The following PRUNE2 variants were observed in gnomAD, a reference collection of about 807,000 sequenced individuals.
PRUNE2 encodes protein prune homolog 2.
PRUNE2 carries 164 observed loss-of-function variants against 252.0 expected under a neutral mutation model. That is an observed-to-expected ratio of 0.65 (90% CI 0.57 to 0.74). The LOEUF (loss-of-function observed/expected upper bound fraction) is 0.74, where lower values mean the gene tolerates loss of function less well. Among genes scored for constraint, PRUNE2 ranks in the 30% least tolerant of loss-of-function variants. PRUNE2 has a pLI of 0.00. For missense variants in PRUNE2, 3,495 were observed against 3,711.0 expected, an observed-to-expected ratio of 0.94 and a Z score of 1.51; for synonymous variants, 1,292 against 1,350.2, an observed-to-expected ratio of 0.96 and a Z score of 0.94.
intron 17 of PRUNE2, among the ~76,000 whole-genome samples, chr9:76,620,125 T>A (rs955840361): frequency 6.8e-6 from 1 of 147,886 alleles, no homozygotes; most frequent in Non-Finnish European, 1.5e-5. Flanking sequence ...CCTCAACTTT[T>A]ATACCCCTCC....
chr9:76,671,247 G>A (rs911921510), intron 9 of PRUNE2, among the ~76,000 whole-genome samples: 122 of 146,396 alleles, frequency 8.3e-4, no homozygotes, highest in Admixed American at 7.3e-3. Context: ...CGAGAACTAC[G>A]TGAAGAATGC....
intron 6 of PRUNE2, among the ~76,000 whole-genome samples, chr9:76,797,688 G>A (rs567331214): frequency 1.1e-4 from 11 of 102,934 alleles, no homozygotes; most frequent in South Asian, 3.8e-4. Context: ...CCTGCCCCCC[G>A]CAACCAAGTA....
At chr9:76,891,383 A>T (rs1188625787) in intron 1 of PRUNE2, among the ~76,000 whole-genome samples, 2 of 152,216 alleles carry the variant, frequency 1.3e-5, no homozygotes, top group East Asian at 3.8e-4. Context: ...CATTACAGGC[A>T]TGTCAGGTGA....
Position 76,846,664 on chromosome 9 carries a change from A to C in PRUNE2, c.359T>G (p.Leu120Ter). 1 of 1,613,884 alleles carries C rather than the reference A, an allele frequency of 6.2e-7. No individual in the cohort carries two copies. The highest frequency in any genetic ancestry group is 8.5e-7 in the Non-Finnish European group (1 of 1,179,780). ...SSVLASEDKT[L>*]ESAVVKVINP... Reference sequence around the variant, plus strand: ...AATGACTTTGACAACTGCTGATTCTAAAGTTTTGTCTTCACTGTAAAGCAA... The same window carrying C: ...AATGACTTTGACAACTGCTGATTCTCAAGTTTTGTCTTCACTGTAAAGCAA... Residue 120 changes from leucine to a stop codon, truncating the protein, a stop_gained, in exon 4 of 19, where the codon TTA (leucine) becomes TGA (stop). Transcript: ENST00000376718. LOFTEE classifies it high-confidence loss of function.
intron 1 of PRUNE2, among the ~76,000 whole-genome samples, chr9:76,861,823 C>A (rs1203450001): frequency 6.8e-6 from 1 of 147,680 alleles, no homozygotes; most frequent in African/African-American, 2.5e-5. Flanking sequence ...TCAGGATCCT[C>A]GCTCTGACGA....
At chr9:76,677,427 G>A (rs980468714) in intron 9 of PRUNE2, among the ~76,000 whole-genome samples, 3 of 152,142 alleles carry the variant, frequency 2.0e-5, no homozygotes, top group Non-Finnish European at 4.4e-5. Context: ...TTAAGGCATT[G>A]TTTTCCGTTC....
chr9:76,731,300 ATCTATC>A (rs1201065862), intron 6 of PRUNE2, among the ~76,000 whole-genome samples: 2,732 of 128,322 alleles, frequency 0.021, 85 homozygotes, highest in African/African-American at 0.058. Context: ...CTATCTATCT[ATCTATC>A]TATCTATATA....
intron 6 of PRUNE2, among the ~76,000 whole-genome samples, chr9:76,752,100 T>G (rs58916823): frequency 1.5e-4 from 3 of 20,026 alleles, no homozygotes; most frequent in Non-Finnish European, 2.4e-4. Flanking sequence ...TTTTTTGGTT[T>G]TTTTTTTTTT....
intron 6 of PRUNE2, among the ~76,000 whole-genome samples, chr9:76,766,774 G>A (rs2052443038): frequency 6.6e-6 from 1 of 151,918 alleles, no homozygotes; most frequent in African/African-American, 2.4e-5. Flanking sequence ...TTTTTCATGT[G>A]TAGCTTCTTA....
At chr9:76,879,878 C>CATATATATATATATATATATAT (rs1391636538) in intron 1 of PRUNE2, among the ~76,000 whole-genome samples, 4 of 75,370 alleles carry the variant, frequency 5.3e-5, no homozygotes, top group Admixed American at 4.0e-4. Context: ...AGAGGCCTGT[C>CATATATATATATATATATATAT]ATATATATAT....
intron 6 of PRUNE2, among the ~76,000 whole-genome samples, chr9:76,714,677 G>A (rs575874903): frequency 2.3e-4 from 35 of 152,340 alleles, no homozygotes; most frequent in African/African-American, 5.3e-4. Context: ...GCTTACAGGC[G>A]TAAGACCGCA....
rs764934768 is a variant in PRUNE2 at position 76,706,998 on chromosome 9, T to C, written c.5276A>G (p.Asn1759Ser). 1 of 1,614,044 alleles carries C rather than the reference T, an allele frequency of 6.2e-7. No homozygotes were observed. Among genetic ancestry groups the C allele is most frequent in the Non-Finnish European group, 8.5e-7 (1 of 1,179,886 alleles). Residue 1759 changes from asparagine (N) to serine (S), a missense_variant, in exon 8 of 19, where the codon AAT (asparagine) becomes AGT (serine). Asn to Ser is a conservative substitution (Grantham distance 46). Transcript: ENST00000376718. ...CCAGGGATCAGGGCTGCTTTGTTGA[T>C]TGTCACAGAATGGGTTTGACTTATT... is the stretch of plus-strand genomic sequence containing the variant. ...NENKSNPFCDNQQSSPDPWTF... is the reference protein window; with the variant it reads ...NENKSNPFCDSQQSSPDPWTF...
chr9:76,890,763 TA>T (rs5898514), intron 1 of PRUNE2, among the ~76,000 whole-genome samples: 70 of 150,846 alleles, frequency 4.6e-4, no homozygotes, highest in African/African-American at 1.6e-3. Flanking sequence ...CAGACTTCTC[TA>T]AAAAAAAAAT....
intron 6 of PRUNE2, among the ~76,000 whole-genome samples, chr9:76,726,446 C>T (rs931255117): frequency 6.6e-6 from 1 of 152,206 alleles, no homozygotes; most frequent in Non-Finnish European, 1.5e-5. Flanking sequence ...AGATACTTTC[C>T]CAAAGCCCCA....
At chr9:76,692,211 T>A in intron 9 of PRUNE2, 1 of 715,622 alleles carries the variant, frequency 1.4e-6, no homozygotes, top group Non-Finnish European at 2.6e-6. Context: ...CTCTGGCACA[T>A]CTAAATAAGG....
At chr9:76,735,419 C>CTT (rs34406993) in intron 6 of PRUNE2, among the ~76,000 whole-genome samples, 2 of 133,086 alleles carry the variant, frequency 1.5e-5, no homozygotes, top group Non-Finnish European at 3.2e-5. Flanking sequence ...TTTCTTTCTT[C>CTT]TTTTTTTTTT....
chr9:76,845,168 AC>A (rs1276289927), intron 4 of PRUNE2, among the ~76,000 whole-genome samples: 7 of 152,118 alleles, frequency 4.6e-5, no homozygotes, highest in Non-Finnish European at 7.4e-5. Flanking sequence ...TGTTATCACT[AC>A]CAATAACAGT....
chr9:76,669,942 T>C (rs2040994838), intron 9 of PRUNE2, among the ~76,000 whole-genome samples: 1 of 152,130 alleles, frequency 6.6e-6, no homozygotes, highest in African/African-American at 2.4e-5. Flanking sequence ...GCCAAGAGCT[T>C]CTTGCCCTCT....
chr9:76,673,876 A>G (rs1166895958), intron 9 of PRUNE2, among the ~76,000 whole-genome samples: 1 of 152,156 alleles, frequency 6.6e-6, no homozygotes, highest in Non-Finnish European at 1.5e-5. Flanking sequence ...AAAAACTCTC[A>G]ATAAATTAGG....
Sources: gnomAD v4.1 joint callset for allele counts (sites outside exome capture counted in the v4.1 genomes callset) on GRCh38, gnomAD v4.1.1 for gene constraint, MANE v1.5 for transcripts, NCBI Gene and HGNC (gene_info 2026-07-23, HGNC 2026-07-21) for gene names.